MAST3: variants seen among roughly 807,000 people sequenced by gnomAD.
The protein encoded by MAST3 is microtubule-associated serine/threonine-protein kinase 3.
Under a neutral mutation model 127.0 loss-of-function variants are expected in MAST3, and 43 were observed. The ratio of observed to expected loss-of-function variants is 0.34; its 90% confidence interval spans 0.27 to 0.44. The LOEUF is 0.44. Ranked by LOEUF, MAST3 falls within the 20% of genes least tolerant of loss-of-function variation. MAST3 has a pLI of 1.00. For missense variants in MAST3, 1,390 were observed against 1,919.1 expected (o/e 0.72, Z 5.15); for synonymous variants, 785 against 809.2 (o/e 0.97, Z 0.51).
At chr19:18,131,858 C>T (rs549907840) in intron 14 of MAST3, 51 bp from the exon 15 acceptor site, 21 of 1,494,002 alleles carry the variant, frequency 1.4e-5, no homozygotes, top group Middle Eastern at 2.2e-4. Context: ...AAGGGGCGGG[C>T]GGGGGGCGGG....
intron 11 of MAST3, among the ~76,000 whole-genome samples, chr19:18,126,819 C>G (rs2040690107): frequency 6.6e-6 from 1 of 151,874 alleles, no homozygotes; most frequent in African/African-American, 2.4e-5. Flanking sequence ...CTCGCTCTCT[C>G]GCCCAGGCTG....
intron 1 of MAST3, among the ~76,000 whole-genome samples, chr19:18,104,800 G>A (rs1484421558): frequency 6.6e-6 from 1 of 152,160 alleles, no homozygotes; most frequent in Non-Finnish European, 1.5e-5. Context: ...CTCAGTAAAT[G>A]CAAGGACATT....
At chr19:18,113,651 G>A (rs1410708773) in intron 3 of MAST3, among the ~76,000 whole-genome samples, 3 of 152,080 alleles carry the variant, frequency 2.0e-5, no homozygotes, top group Non-Finnish European at 4.4e-5. Context: ...TAGTAGAGAT[G>A]GGGTTTCACC....
chr19:18,124,377 C>T lies in MAST3; in HGVS notation c.945+11C>T, dbSNP rs765342799. 6 of 1,586,152 alleles carry T rather than the reference C, an allele frequency of 3.8e-6. No homozygotes were observed. The East Asian group carries it at 1.4e-4, about 36-fold the overall frequency. On this transcript the variant is annotated intron_variant, in intron 10 of 27. Coordinates refer to ENST00000687212, the MANE Select transcript of MAST3 (RefSeq NM_001393504.1). ...CTGCTGGAGTGTCTGGTAAGTTTCT[C>T]TTTCTACGGCCAGCTTGGGGTCCAG...
In MAST3 at chr19:18,128,847, A is replaced by T; in HGVS notation, c.1138-19A>T. On this transcript the variant is annotated intron_variant, in intron 12 of 27. Coordinates refer to ENST00000687212, the MANE Select transcript of MAST3 (RefSeq NM_001393504.1). ...AGCTCTGCAGCGGGGCAGGACCCTA[A>T]GCCCTTCCCATCCCCTAGAGCCGCG... 3 of 1,600,498 alleles carry T rather than the reference A, an allele frequency of 1.9e-6. No homozygotes were observed. The highest frequency in any genetic ancestry group is 2.6e-6 in the Non-Finnish European group (3 of 1,169,510).
intron 20 of MAST3, among the ~76,000 whole-genome samples, chr19:18,139,653 G>A (rs1020491134): frequency 1.3e-5 from 2 of 151,240 alleles, no homozygotes; most frequent in African/African-American, 4.9e-5. Context: ...AGTAGAGATG[G>A]TGTTTCACCA....
intron 11 of MAST3, 88 bp from the exon 12 acceptor site, chr19:18,128,312 G>T: frequency 9.4e-7 from 1 of 1,065,762 alleles, no homozygotes; most frequent in Admixed American, 2.2e-5. Context: ...CCAGCCTGGG[G>T]TGAGAACTCT....
chr19:18,122,675 C>CAG lies in MAST3; in HGVS notation c.325_326dup (p.Asp109GlufsTer93). The CAG allele has an allele frequency of 6.2e-7, 1 of 1,612,774 alleles. No homozygotes were observed. The highest frequency in any genetic ancestry group is 8.5e-7 in the Non-Finnish European group (1 of 1,179,368). ...TCTGTTCTTGTTCCCCTCTCCAGGG[C>CAG]AGACGGCAGAAGATGGTCCCTCGCG... On this transcript the variant is annotated frameshift_variant, in exon 6 of 28. Coordinates refer to ENST00000687212, the MANE Select transcript of MAST3 (RefSeq NM_001393504.1). LOFTEE classifies it high-confidence loss of function.
chr19:18,151,438 A>T lies in MAST3; in HGVS notation c.*1712A>T, dbSNP rs1002797810. 1.3e-5 allele frequency: 2 copies of T among 152,194 alleles called. No homozygotes were observed. Among genetic ancestry groups the T allele is most frequent in the African/African-American group, 4.8e-5 (2 of 41,446 alleles). The allele number at this position is 152,194 out of a possible 1,614,324, so 9.4% of individuals were successfully genotyped here. A position where few individuals can be genotyped will look rare whatever the true frequency, so the allele number is the denominator to read the frequency against. ...GACCCTGTTGTGGGCGTTGTCATCA[A>T]GGGAGCTTGAATGGAGGGTCTGGTG... is the stretch of plus-strand genomic sequence containing the variant. On this transcript the variant is annotated 3_prime_UTR_variant, in exon 28 of 28. Coordinates refer to ENST00000687212, the MANE Select transcript of MAST3 (RefSeq NM_001393504.1).
Position 18,145,631 on chromosome 19 carries a change from G to A in MAST3, c.3040-112G>A. On this transcript the variant is annotated intron_variant, in intron 24 of 27. Transcript: ENST00000687212. This position sits in a 1 kb window ranked among gnomAD's most constrained non-coding sequence, Gnocchi z 5.9. Reference sequence around the variant, plus strand: ...GTTCCCCCAGGATCAGGGAAACTGAGACAGCACAAGAGGCAGCAGCTTGCT... The same window carrying A: ...GTTCCCCCAGGATCAGGGAAACTGAAACAGCACAAGAGGCAGCAGCTTGCT... The A allele has an allele frequency of 7.7e-7, 1 of 1,292,358 alleles. No individual in the cohort carries two copies. The allele number at this position is 1,292,358 out of a possible 1,614,324, so 80.1% of individuals were successfully genotyped here. A position where few individuals can be genotyped will look rare whatever the true frequency, so the allele number is the denominator to read the frequency against.
rs2043517016 is a variant in MAST3, at chr19:18,151,425, G to A, written c.*1699G>A. 1 of 152,176 alleles carries A rather than the reference G, an allele frequency of 6.6e-6. No homozygotes were observed. The highest frequency in any genetic ancestry group is 2.1e-4 in the South Asian group (1 of 4,830). 9.4% of individuals were successfully genotyped at this position (152,176 alleles called of 1,614,324 possible). On this transcript the variant is annotated 3_prime_UTR_variant, in exon 28 of 28. Coordinates refer to ENST00000687212, the MANE Select transcript of MAST3 (RefSeq NM_001393504.1). ...GGAGCATCAGCCAGACCCTGTTGTG[G>A]GCGTTGTCATCAAGGGAGCTTGAAT...
At chr19:18,121,045 C>T (rs907345047) in intron 3 of MAST3, among the ~76,000 whole-genome samples, 7 of 151,724 alleles carry the variant, frequency 4.6e-5, no homozygotes, top group Non-Finnish European at 8.8e-5. Context: ...TTAGTAGAGA[C>T]GGGTTTCACC....
chr19:18,097,806 G>C lies in MAST3; in HGVS notation c.14G>C (p.Ser5Thr), dbSNP rs1261071718. Residue 5 changes from serine to threonine, a missense_variant, in exon 1 of 28, where the codon AGC becomes ACC. Physicochemically the swap from Ser to Thr is moderately conservative, Grantham distance 58. Around this residue, in one of 5 missense-constraint regions of MAST3, gnomAD observed 61 missense variants for 78.2 expected, o/e 0.78. Coordinates refer to ENST00000687212, the MANE Select transcript of MAST3 (RefSeq NM_001393504.1). MDES[S>T]LLRRRGLQKE... ...GACTCCCGGGCCATGGACGAGTCGA[G>C]CCTCCTGCGGCGCCGCGGGCTCCAG... 5 of 1,225,130 alleles carry C rather than the reference G, an allele frequency of 4.1e-6. No homozygotes were observed. Among genetic ancestry groups the C allele is most frequent in the Non-Finnish European group, 4.1e-6 (4 of 983,942 alleles). 75.9% of individuals were successfully genotyped at this position (1,225,130 alleles called of 1,614,324 possible).
chr19:18,110,657 C>A lies in MAST3; in HGVS notation c.77C>A (p.Ser26Tyr). 1.0e-6 allele frequency: 1 copy of A among 985,806 alleles called. No homozygotes were observed. The highest frequency in any genetic ancestry group is 4.7e-5 in the South Asian group (1 of 21,292). 61.1% of individuals were successfully genotyped at this position (985,806 alleles called of 1,614,324 possible). The stretch of plus-strand genomic sequence containing the variant: ...CCCGGCCTCTTTCTTTGCAGTCTGT[C>A]TCCGAGCAGCCAGAGCCCGTCCCTG... ...LSLPRRGRGL[S>Y]PSSQSPSLLG... is the part of the protein sequence containing the mutation. The change falls in exon 3 of 28, where the codon TCT (serine) becomes TAT (tyrosine). Residue 26 changes from serine to tyrosine, a missense_variant. Around this residue, in one of 5 missense-constraint regions of MAST3, gnomAD observed 61 missense variants for 78.2 expected, o/e 0.78. Transcript: ENST00000687212. This position sits in a 1 kb window ranked among gnomAD's most constrained non-coding sequence, Gnocchi z 4.3.
chr19:18,124,095 A>T lies in MAST3; in HGVS notation c.790A>T (p.Thr264Ser), dbSNP rs965022644. 6.2e-7 allele frequency: 1 copy of T among 1,610,860 alleles called. No homozygotes were observed. The highest frequency in any genetic ancestry group is 1.3e-5 in the African/African-American group (1 of 74,810). ...CLAKSGENLVTSRYFLEMQEK... is the reference protein window; with the variant it reads ...CLAKSGENLVSSRYFLEMQEK... ...GGCCAAGTCTGGCGAGAACCTCGTC[A>T]CCTCCCGCTACTTCCTAGAGATGCA... is the stretch of plus-strand genomic sequence containing the variant. The change falls in exon 9 of 28, where the codon ACC becomes TCC. Residue 264 changes from threonine (T) to serine (S), a missense_variant. Thr to Ser is a moderately conservative substitution (Grantham distance 58). Coordinates refer to ENST00000687212, the MANE Select transcript of MAST3 (RefSeq NM_001393504.1).
rs2042945256 is a variant in MAST3, at chr19:18,145,653, T to A, written c.3040-90T>A. On this transcript the variant is annotated intron_variant, in intron 24 of 27. Transcript: ENST00000687212. The surrounding 1 kb of genome is among the most constrained non-coding windows in gnomAD (Gnocchi z 5.9). Reference sequence around the variant, plus strand: ...TGAGACAGCACAAGAGGCAGCAGCTTGCTGGGGTCCCACAGCAGACCCAGC... The same window carrying A: ...TGAGACAGCACAAGAGGCAGCAGCTAGCTGGGGTCCCACAGCAGACCCAGC... 2.1e-6 allele frequency: 3 copies of A among 1,411,848 alleles called. No homozygotes were observed. In the South Asian group the frequency reaches 4.5e-5, roughly 21 times the overall value. 87.5% of individuals were successfully genotyped at this position (1,411,848 alleles called of 1,614,324 possible).
At chr19:18,113,823 C>T (rs1224109666) in intron 3 of MAST3, among the ~76,000 whole-genome samples, 2 of 152,158 alleles carry the variant, frequency 1.3e-5, no homozygotes, top group African/African-American at 2.4e-5. Context: ...GTCTTGAACT[C>T]CTGACCTCAG....
intron 3 of MAST3, chr19:18,118,352 GTC>G (rs1255968400): frequency 1.4e-6 from 1 of 721,176 alleles, no homozygotes; most frequent in African/African-American, 1.9e-5. Context: ...CACGGCGAGC[GTC>G]TGTCTGTGGC....
At chr19:18,131,859 G>C (rs3826967) in intron 14 of MAST3, 50 bp from the exon 15 acceptor site, 196,277 of 1,495,536 alleles carry the variant, frequency 0.13, 13,410 homozygotes, top group Middle Eastern at 0.15. Context: ...AGGGGCGGGC[G>C]GGGGGCGGGG....
Sources: allele counts gnomAD v4.1 joint callset (sites outside exome capture counted in the v4.1 genomes callset), GRCh38; gene constraint gnomAD v4.1.1; regional missense constraint gnomAD v4.1.1; non-coding constraint Gnocchi (gnomAD v3.1); transcripts MANE v1.5; gene names NCBI Gene and HGNC (gene_info 2026-07-23, HGNC 2026-07-21).